The following PLCG2 variants were observed in gnomAD, a reference collection of about 807,000 sequenced individuals.
PLCG2 encodes the protein 1-phosphatidylinositol 4,5-bisphosphate phosphodiesterase gamma-2.
PLCG2 carries 69 observed loss-of-function variants against 175.6 expected under a neutral mutation model. The ratio of observed to expected loss-of-function variants is 0.39; its 90% CI spans 0.32 to 0.48. The LOEUF (loss-of-function observed/expected upper bound fraction) is 0.48, where lower values mean the gene tolerates loss of function less well. Among genes scored for constraint, PLCG2 ranks in the 20% least tolerant of loss-of-function variants. The pLI is 0.91. For missense variants in PLCG2, 1,798 were observed against 1,650.9 expected, an observed-to-expected ratio of 1.09 and a Z score of -1.54; for synonymous variants, 827 against 624.0, an observed-to-expected ratio of 1.33 and a Z score of -4.85.
At chr16:81,875,614 C>T (rs942653271) in intron 7 of PLCG2, among the ~76,000 whole-genome samples, 1 of 152,188 alleles carries the variant, frequency 6.6e-6, no homozygotes, top group Non-Finnish European at 1.5e-5. Context: ...CACTTTGCAG[C>T]AGACATCAAG....
chr16:81,769,739 G>C (rs62046424), intron 2 of PLCG2, among the ~76,000 whole-genome samples: 6 of 147,012 alleles, frequency 4.1e-5, no homozygotes, highest in African/African-American at 1.3e-4. Flanking sequence ...AGAATGGCGT[G>C]AACCCGGGAG....
chr16:81,854,470 C>T lies in PLCG2; in HGVS notation c.220C>T (p.Arg74Cys), dbSNP rs780140339. 2 of 1,613,960 alleles carry T rather than the reference C, an allele frequency of 1.2e-6. No homozygotes were observed. Among genetic ancestry groups the T allele is most frequent in the South Asian group, 1.1e-5 (1 of 91,064 alleles). The change falls in exon 3 of 33, where the codon CGC becomes TGC. Residue 74 changes from arginine to cysteine, a missense_variant. Coordinates refer to ENST00000564138, the MANE Select transcript of PLCG2 (RefSeq NM_002661.5). ...FLDIMEIKEI[R>C]PGKNSKDFER... Reference sequence around the variant, plus strand: ...GGATATCATGGAAATAAAAGAAATCCGCCCAGGGAAGAACTCCAAAGATTT... The same window carrying T: ...GGATATCATGGAAATAAAAGAAATCTGCCCAGGGAAGAACTCCAAAGATTT...
chr16:81,774,054 G>A (rs575132587), intron 2 of PLCG2, among the ~76,000 whole-genome samples: 31 of 151,676 alleles, frequency 2.0e-4, no homozygotes, highest in Non-Finnish European at 3.7e-4. Flanking sequence ...ACCATGGGTC[G>A]GGCACAGTGA....
intron 2 of PLCG2, among the ~76,000 whole-genome samples, chr16:81,815,006 G>A (rs1904480354): frequency 6.6e-6 from 1 of 152,342 alleles, no homozygotes; most frequent in South Asian, 2.1e-4. Context: ...TATCAGGACT[G>A]CTTGTTCCAG....
chr16:81,956,629 C>T, intron 31 of PLCG2, 66 bp from the exon 32 acceptor site: 2 of 1,433,824 alleles, frequency 1.4e-6, no homozygotes, highest in Non-Finnish European at 1.9e-6. Flanking sequence ...TGTGAGATGC[C>T]AGGTTCACAT....
At chr16:81,851,077 T>A (rs1906383845) in intron 2 of PLCG2, among the ~76,000 whole-genome samples, 2 of 152,258 alleles carry the variant, frequency 1.3e-5, no homozygotes, top group South Asian at 4.2e-4. Flanking sequence ...TTCTCTACTT[T>A]CTCTCACCTT....
intron 8 of PLCG2, among the ~76,000 whole-genome samples, chr16:81,881,500 A>G (rs1270293794): frequency 6.6e-6 from 1 of 152,226 alleles, no homozygotes; most frequent in African/African-American, 2.4e-5. Context: ...TCCCCAGCCT[A>G]TCTGACTGGG....
At chr16:81,954,678 T>G (rs1329217421) in intron 31 of PLCG2, among the ~76,000 whole-genome samples, 1 of 152,250 alleles carries the variant, frequency 6.6e-6, no homozygotes, top group African/African-American at 2.4e-5. Flanking sequence ...TTCATTCATT[T>G]TTGTGGCTGC....
Position 81,956,644 on chromosome 16 carries a change from G to A in PLCG2, c.3571-51G>A, listed in dbSNP as rs369072495. The stretch of plus-strand genomic sequence containing the variant: ...TGTGAGATGCCAGGTTCACATTTTG[G>A]TTTGGAAGGTGTAGTCACCACATGG... On this transcript the variant is annotated intron_variant, in intron 31 of 32. Coordinates refer to ENST00000564138, the MANE Select transcript of PLCG2 (RefSeq NM_002661.5). 7 of 1,529,042 alleles carry A rather than the reference G, an allele frequency of 4.6e-6. No homozygotes were observed. In the South Asian group the frequency reaches 6.1e-5, roughly 13 times the overall value. The allele number at this position is 1,529,042 out of a possible 1,614,324, so 94.7% of individuals were successfully genotyped here.
intron 7 of PLCG2, among the ~76,000 whole-genome samples, chr16:81,872,044 A>T (rs1348404898): frequency 2.6e-5 from 4 of 152,188 alleles, no homozygotes; most frequent in African/African-American, 9.7e-5. Context: ...ATCATAGAAT[A>T]CAGGCCAGGT....
chr16:81,922,857 C>T (rs1910114072), intron 21 of PLCG2, among the ~76,000 whole-genome samples: 1 of 152,226 alleles, frequency 6.6e-6, no homozygotes, highest in African/African-American at 2.4e-5. Context: ...AAGAAAATTT[C>T]TAACCAAGGA....
At chr16:81,955,765 G>A (rs974651325) in intron 31 of PLCG2, among the ~76,000 whole-genome samples, 2 of 152,330 alleles carry the variant, frequency 1.3e-5, no homozygotes, top group East Asian at 3.9e-4. Context: ...GCGTCTAGTT[G>A]GCCTTGCTTG....
intron 31 of PLCG2, among the ~76,000 whole-genome samples, chr16:81,950,351 T>C (rs1911317541): frequency 6.6e-6 from 1 of 152,202 alleles, no homozygotes; most frequent in African/African-American, 2.4e-5. Context: ...TATGTGATGA[T>C]AAAATGCTTG....
chr16:81,840,065 C>G (rs1230493001), intron 2 of PLCG2, among the ~76,000 whole-genome samples: 1 of 152,200 alleles, frequency 6.6e-6, no homozygotes, highest in African/African-American at 2.4e-5. Context: ...TCCAAAAAAA[C>G]TTAAAGAATT....
In PLCG2 at chr16:81,858,157, C is replaced by G. The variant is rs920388083; in HGVS notation, c.338-106C>G. On this transcript the variant is annotated intron_variant, in intron 3 of 32. Transcript: ENST00000564138. ...CTTTGCCTTCTGCAAAACTAGAAAC[C>G]AGCATAGGCTTCTCCCATCTTCGTG... 9.9e-6 allele frequency: 8 copies of G among 804,228 alleles called. No homozygotes were observed. The African/African-American group carries it at 1.2e-4, about 12-fold the overall frequency. 49.8% of individuals were successfully genotyped at this position (804,228 alleles called of 1,614,324 possible). A position where few individuals can be genotyped will look rare whatever the true frequency, so the allele number is the denominator to read the frequency against.
chr16:81,961,332 A>T lies in PLCG2; in HGVS notation c.*3334A>T, dbSNP rs774416598. On this transcript the variant is annotated 3_prime_UTR_variant, in exon 33 of 33. Coordinates refer to ENST00000564138, the MANE Select transcript of PLCG2 (RefSeq NM_002661.5). ...CTTAAGATGTTATCAATCTACATAG[A>T]TGAAATAATTGTGGAGAAAAGCCCT... The T allele has an allele frequency of 3.5e-5, 8 of 225,382 alleles. No individual in the cohort carries two copies. Among genetic ancestry groups the T allele is most frequent in the Admixed American group, 2.9e-4 (5 of 17,488 alleles). 14.0% of individuals were successfully genotyped at this position (225,382 alleles called of 1,614,324 possible). A position where few individuals can be genotyped will look rare whatever the true frequency, so the allele number is the denominator to read the frequency against.
At chr16:81,946,722 G>A (rs1007799208) in intron 31 of PLCG2, among the ~76,000 whole-genome samples, 2 of 152,136 alleles carry the variant, frequency 1.3e-5, no homozygotes, top group South Asian at 4.1e-4. Context: ...CAAATAAGGC[G>A]ATCATGCACA....
intron 5 of PLCG2, among the ~76,000 whole-genome samples, chr16:81,865,291 C>T (rs979995807): frequency 2.6e-5 from 4 of 152,130 alleles, no homozygotes; most frequent in Non-Finnish European, 5.9e-5. Context: ...CGTTGGCTTC[C>T]TCCCCTGCAG....
chr16:81,894,434 T>C (rs1164234907), intron 12 of PLCG2, among the ~76,000 whole-genome samples: 5 of 150,384 alleles, frequency 3.3e-5, no homozygotes, highest in African/African-American at 1.2e-4. Context: ...GTGTCTAAAC[T>C]GAAAAGAAAA....
Sources: allele counts gnomAD v4.1 joint callset (sites outside exome capture counted in the v4.1 genomes callset), GRCh38; gene constraint gnomAD v4.1.1; transcripts MANE v1.5; gene names NCBI Gene and HGNC (gene_info 2026-07-23, HGNC 2026-07-21).